The following PSG5 variants were observed in gnomAD, a reference collection of about 807,000 sequenced individuals.
The protein encoded by PSG5 is pregnancy specific beta-1-glycoprotein 5.
A neutral mutation model predicts 37.7 loss-of-function variants in PSG5; 53 were observed. The ratio of observed to expected loss-of-function variants is 1.41; its 90% CI spans 1.13 to 1.77. PSG5 has a LOEUF of 1.77. Ranked by LOEUF, PSG5 falls within the 40% of genes most tolerant of loss-of-function variation. PSG5 has a pLI of 0.00. For synonymous variants in PSG5, 221 were observed against 155.4 expected (o/e 1.42, Z -3.14); for missense variants, 547 against 405.2 (o/e 1.35, Z -3.00).
Position 43,170,230 on chromosome 19 carries a change from A to G in PSG5, c.965-92T>C, listed in dbSNP as rs1419452580. 7 of 1,132,734 alleles carry G rather than the reference A, an allele frequency of 6.2e-6. No homozygotes were observed. In the Admixed American group the frequency reaches 1.2e-4, roughly 19 times the overall value. 70.2% of individuals were successfully genotyped at this position (1,132,734 alleles called of 1,614,324 possible). On this transcript the variant is annotated intron_variant, in intron 4 of 5. Transcript: ENST00000342951. Reference sequence around the variant, plus strand: ...AGAGGCATGTAGCATGAGGTACTCTATAATTGTTTCTTCAAGTACTACATT... The same window carrying G: ...AGAGGCATGTAGCATGAGGTACTCTGTAATTGTTTCTTCAAGTACTACATT...
At position 43,184,783 on chromosome 19, in the gene PSG5, G is replaced by A. The variant is rs138595944; in HGVS notation, c.429C>T (p.Tyr143=). Residue 143 remains tyrosine (Y), a splice_region_variant and synonymous_variant, in exon 2 of 6, where the codon TAC becomes TAT. Transcript: ENST00000342951. Reference sequence around the variant, plus strand: ...CAGGGATCATGTGGAATCACTCACGGTATAAGTTGAAGGTGAAATATCCAG... The same window carrying A: ...CAGGGATCATGTGGAATCACTCACGATATAAGTTGAAGGTGAAATATCCAG... The part of the protein sequence containing the change: ...GVTGYFTFNL[Y]LKLPKPYITI... 3.7e-6 allele frequency: 6 copies of A among 1,612,180 alleles called. No individual in the cohort carries two copies. In the South Asian group the frequency reaches 5.5e-5, roughly 15 times the overall value.
chr19:43,174,435 G>A, intron 4 of PSG5: 1 of 813,740 alleles, frequency 1.2e-6, no homozygotes, highest in Non-Finnish European at 1.5e-6. Flanking sequence ...CAGAGCCCCA[G>A]GGGTGAATCT....
chr19:43,170,605 C>T, intron 4 of PSG5: 1 of 298,156 alleles, frequency 3.4e-6, no homozygotes, highest in Non-Finnish European at 7.0e-6. Context: ...CCCACAGGCT[C>T]CCAGGAAGGG....
chr19:43,180,113 T>C (rs1392099172), intron 2 of PSG5, among the ~76,000 whole-genome samples: 1 of 151,684 alleles, frequency 6.6e-6, no homozygotes, highest in East Asian at 1.9e-4. Flanking sequence ...TTCTACTCTC[T>C]GATTCTGAGT....
At chr19:43,169,181 T>A (rs1333719597) in intron 5 of PSG5, among the ~76,000 whole-genome samples, 6 of 151,668 alleles carry the variant, frequency 4.0e-5, no homozygotes, top group Non-Finnish European at 1.5e-5. Context: ...TCATGATTAT[T>A]TTCAGGTCTC....
At chr19:43,168,578 T>C (rs1968837198) in intron 5 of PSG5, among the ~76,000 whole-genome samples, 1 of 151,532 alleles carries the variant, frequency 6.6e-6, no homozygotes. Flanking sequence ...TTCACCGTGT[T>C]AGCCAGGATG....
At chr19:43,173,560 C>T (rs552387952) in intron 4 of PSG5, among the ~76,000 whole-genome samples, 3 of 151,694 alleles carry the variant, frequency 2.0e-5, no homozygotes, top group African/African-American at 7.3e-5. Context: ...ATGGAGTTTT[C>T]TCCAAGGAAG....
At chr19:43,185,267 AACACACACAC>A in intron 1 of PSG5, 120 bp from the exon 2 acceptor site, 1 of 1,183,910 alleles carries the variant, frequency 8.4e-7, no homozygotes, top group South Asian at 1.5e-5. Flanking sequence ...CACACACACA[AACACACACAC>A]ACACAAAAGG....
chr19:43,171,773 G>C (rs59139437), intron 4 of PSG5, among the ~76,000 whole-genome samples: 30,477 of 151,094 alleles, frequency 0.2, 4,031 homozygotes, highest in East Asian at 0.6. Flanking sequence ...GTTTGGACCA[G>C]CATGGGTAAC....
chr19:43,180,783 T>G (rs1453754776), intron 2 of PSG5, among the ~76,000 whole-genome samples: 1 of 133,404 alleles, frequency 7.5e-6, no homozygotes, highest in African/African-American at 3.0e-5. Flanking sequence ...CAAAGGTGAT[T>G]TGAAATTAGC....
rs1449256282 is a variant in PSG5 at position 43,168,574 on chromosome 19, G to A, written c.*41-371C>T. On this transcript the variant is annotated intron_variant, in intron 5 of 5. Coordinates refer to ENST00000342951, the MANE Select transcript of PSG5 (RefSeq NM_002781.4). ...TTTTTAGTAGAGACGGGGTTTCACC[G>A]TGTTAGCCAGGATGGTCTCGATCTC... 3.3e-5 allele frequency among the ~76,000 whole-genome samples: 5 copies of A among 151,446 alleles called. 1 individual carries two copies. The highest frequency in any genetic ancestry group is 9.7e-5 in the African/African-American group (4 of 41,086).
Position 43,186,384 on chromosome 19 carries a change from G to A in PSG5, c.22C>T (p.Pro8Ser), listed in dbSNP as rs1419523980. MGPLSAP[P>S]CTQHITWKGL... ...TTCCAGGTGATGTGCTGTGTGCAGG[G>A]AGGGGCTGAGAGGGGCCCCATGGTC... is the stretch of plus-strand genomic sequence containing the variant. The change falls in exon 1 of 6, where the codon CCC becomes TCC. Residue 8 changes from proline to serine, a missense_variant. Transcript: ENST00000342951. 3.1e-6 allele frequency: 5 copies of A among 1,612,094 alleles called. No individual in the cohort carries two copies. Among genetic ancestry groups the A allele is most frequent in the African/African-American group, 2.7e-5 (2 of 74,506 alleles).
At chr19:43,179,546 C>T (rs1389596297) in intron 2 of PSG5, among the ~76,000 whole-genome samples, 6 of 151,712 alleles carry the variant, frequency 4.0e-5, no homozygotes, top group Non-Finnish European at 8.8e-5. Context: ...CTTTGTCCCC[C>T]GAGGTATGTT....
At chr19:43,174,697 T>G in intron 4 of PSG5, 1 of 991,634 alleles carries the variant, frequency 1.0e-6, no homozygotes, top group Non-Finnish European at 1.2e-6. Context: ...CACCCCAGGT[T>G]GAGTGAGGCA....
At chr19:43,180,856 G>A (rs1969113071) in intron 2 of PSG5, among the ~76,000 whole-genome samples, 1 of 151,468 alleles carries the variant, frequency 6.6e-6, no homozygotes, top group Non-Finnish European at 1.5e-5. Context: ...ATTACATAAA[G>A]GGAGGAAGGA....
intron 2 of PSG5, among the ~76,000 whole-genome samples, chr19:43,181,369 A>G (rs1246267178): frequency 1.3e-5 from 2 of 151,612 alleles, no homozygotes; most frequent in African/African-American, 4.9e-5. Flanking sequence ...CAGTTTTGGA[A>G]GTTTCTATTG....
intron 1 of PSG5, among the ~76,000 whole-genome samples, chr19:43,185,434 C>T (rs925678757): frequency 1.4e-5 from 2 of 147,262 alleles, no homozygotes; most frequent in East Asian, 1.9e-4. Flanking sequence ...ACGGCACCCC[C>T]CCCCCCCCAC....
At position 43,183,791 on chromosome 19, in the gene PSG5, C is replaced by G. The variant is rs1348438874; in HGVS notation, c.430+991G>C. ...GGTGGAGAAGATGGGCCTGTGGCTG[C>G]AGACAGACCTCATGTGACCCTGATC... On this transcript the variant is annotated intron_variant, in intron 2 of 5. Coordinates refer to ENST00000342951, the MANE Select transcript of PSG5 (RefSeq NM_002781.4). Among the ~76,000 whole-genome samples, 7 of 151,614 alleles carry G rather than the reference C, an allele frequency of 4.6e-5. 1 individual carries two copies. The highest frequency in any genetic ancestry group is 4.2e-4 in the South Asian group (2 of 4,804).
chr19:43,184,417 T>G (rs1202044226), intron 2 of PSG5, among the ~76,000 whole-genome samples: 1 of 151,536 alleles, frequency 6.6e-6, no homozygotes, highest in African/African-American at 2.4e-5. Context: ...GGGCTGAGCT[T>G]CTCTGAGGGT....
Sources: allele counts gnomAD v4.1 joint callset (sites outside exome capture counted in the v4.1 genomes callset), GRCh38; gene constraint gnomAD v4.1.1; transcripts MANE v1.5; gene names NCBI Gene and HGNC (gene_info 2026-07-23, HGNC 2026-07-21).